Variants in GRTP1 observed in about 807,000 individuals in gnomAD.
The protein encoded by GRTP1 is growth hormone regulated TBC protein 1.
Under a neutral mutation model 38.1 loss-of-function variants are expected in GRTP1, and 56 were observed. That is an observed-to-expected ratio of 1.47 (90% CI 1.19 to 1.84). GRTP1 has a LOEUF of 1.84. Among genes scored for constraint, GRTP1 ranks in the 40% most tolerant of loss-of-function variants. The pLI is 0.00. For synonymous variants in GRTP1, 217 were observed against 189.5 expected (o/e 1.14, Z -1.19); for missense variants, 506 against 453.9 (o/e 1.11, Z -1.04).
intron 5 of GRTP1, among the ~76,000 whole-genome samples, chr13:113,330,590 A>G (rs76293469): frequency 1.2e-4 from 10 of 83,412 alleles, no homozygotes; most frequent in East Asian, 4.0e-4. Context: ...GTGCATGGAA[A>G]CCCAGGTGTG....
intron 4 of GRTP1, among the ~76,000 whole-genome samples, chr13:113,347,208 G>A (rs369183838): frequency 1.1e-5 from 1 of 90,372 alleles, no homozygotes; most frequent in South Asian, 3.4e-4. Context: ...GTGGCCGAGA[G>A]CAGACCCAGG....
Position 113,349,101 on chromosome 13 carries a change from G to T in GRTP1, c.465+1748C>A, listed in dbSNP as rs768969463. On this transcript the variant is annotated intron_variant, in intron 4 of 7. Coordinates refer to ENST00000375431, the MANE Select transcript of GRTP1 (RefSeq NM_024719.4). This position sits in a 1 kb window ranked among gnomAD's most constrained non-coding sequence, Gnocchi z 5.0. ...TGCCCAGGCTGGTCTTGAACTCTTG[G>T]CCTCAAGCAAACAATCCTCCTGCCT... Among the ~76,000 whole-genome samples the T allele has an allele frequency of 7.3e-5, 11 of 149,848 alleles. No homozygotes were observed. Among genetic ancestry groups the T allele is most frequent in the Non-Finnish European group, 1.2e-4 (8 of 67,450 alleles).
intron 3 of GRTP1, among the ~76,000 whole-genome samples, chr13:113,352,347 A>ATATT (rs2043297557): frequency 8.8e-6 from 1 of 114,114 alleles, no homozygotes; most frequent in South Asian, 2.5e-4. Flanking sequence ...TTATATATAT[A>ATATT]TTTATATATA....
chr13:113,344,004 C>T lies in GRTP1; in HGVS notation c.562+859G>A, dbSNP rs77397582. On this transcript the variant is annotated intron_variant, in intron 5 of 7. Coordinates refer to ENST00000375431, the MANE Select transcript of GRTP1 (RefSeq NM_024719.4). ...TGGATAACTTATCCACTAATAAATA[C>T]ACTTTAATTATTAAATAATTAAACA... is the stretch of plus-strand genomic sequence containing the variant. Among the ~76,000 whole-genome samples, 12 of 152,278 alleles carry T rather than the reference C, an allele frequency of 7.9e-5. No homozygotes were observed. In the East Asian group the frequency reaches 2.3e-3, roughly 29 times the overall value.
chr13:113,332,282 GCA>G (rs1322882133), intron 5 of GRTP1, among the ~76,000 whole-genome samples: 17 of 142,462 alleles, frequency 1.2e-4, no homozygotes, highest in African/African-American at 4.0e-4. Context: ...GTACACACGT[GCA>G]CACACACACC....
At position 113,328,955 on chromosome 13, in the gene GRTP1, C is replaced by CT. The variant is rs541140726; in HGVS notation, c.563-2865dup. Among the ~76,000 whole-genome samples the CT allele has an allele frequency of 7.3e-4, 109 of 149,764 alleles. 1 individual carries two copies. The highest frequency in any genetic ancestry group is 2.5e-3 in the African/African-American group (98 of 39,160). On this transcript the variant is annotated intron_variant, in intron 5 of 7. Coordinates refer to ENST00000375431, the MANE Select transcript of GRTP1 (RefSeq NM_024719.4). The stretch of plus-strand genomic sequence containing the variant: ...TGCATCTCAAACCTTACAAAGCAGC[C>CT]TGTGGACTAAATTCTCCTGGTTCCC...
intron 5 of GRTP1, among the ~76,000 whole-genome samples, chr13:113,344,569 C>T (rs375154737): frequency 4.7e-4 from 72 of 152,002 alleles, no homozygotes; most frequent in Middle Eastern, 3.4e-3. Context: ...CAAAATTAGC[C>T]GGGTGTGGTG....
intron 5 of GRTP1, among the ~76,000 whole-genome samples, chr13:113,336,552 G>A (rs1206383649): frequency 2.0e-5 from 3 of 152,168 alleles, no homozygotes; most frequent in East Asian, 1.9e-4. Context: ...CCGTGGTTGG[G>A]GGCGAGGTGA....
intron 5 of GRTP1, among the ~76,000 whole-genome samples, chr13:113,327,795 C>T (rs550014154): frequency 1.5e-3 from 236 of 152,348 alleles, no homozygotes; most frequent in African/African-American, 5.4e-3. Flanking sequence ...TCAGTGCCCA[C>T]CCTGGTTCTG....
At chr13:113,326,212 G>A (rs1003148509) in intron 5 of GRTP1, 121 bp from the exon 6 acceptor site, 25 of 1,217,738 alleles carry the variant, frequency 2.1e-5, no homozygotes, top group African/African-American at 3.0e-5. Flanking sequence ...CAAGAGGGAG[G>A]GACAAAGTTG....
chr13:113,333,042 C>T (rs1009202618), intron 5 of GRTP1, among the ~76,000 whole-genome samples: 54 of 152,202 alleles, frequency 3.5e-4, no homozygotes, highest in African/African-American at 1.2e-3. Context: ...CAGCATTTAT[C>T]CCGCCTCTTC....
chr13:113,362,953 G>T lies in GRTP1; in HGVS notation c.181+809C>A, dbSNP rs551998155. ...CATTCACTGAACACACAGGGAAGTCGCCTGGCACTGCCCCAGGTTCTGAGG... is the reference window on the plus strand; with the variant it reads ...CATTCACTGAACACACAGGGAAGTCTCCTGGCACTGCCCCAGGTTCTGAGG... On this transcript the variant is annotated intron_variant, in intron 2 of 7. Coordinates refer to ENST00000375431, the MANE Select transcript of GRTP1 (RefSeq NM_024719.4). 5.9e-5 allele frequency among the ~76,000 whole-genome samples: 9 copies of T among 152,302 alleles called. No individual in the cohort carries two copies. The South Asian group carries it at 6.2e-4, about 11-fold the overall frequency.
intron 7 of GRTP1, chr13:113,325,413 G>A: frequency 1.4e-6 from 2 of 1,441,236 alleles, no homozygotes; most frequent in Non-Finnish European, 1.8e-6. Context: ...CAGCAGATGA[G>A]TACAGCCATT....
At chr13:113,339,205 C>T (rs1037598099) in intron 5 of GRTP1, among the ~76,000 whole-genome samples, 1 of 152,174 alleles carries the variant, frequency 6.6e-6, no homozygotes, top group African/African-American at 2.4e-5. Flanking sequence ...TGAGCCACCA[C>T]ACCCTGGCTT....
At chr13:113,345,128 A>C in intron 4 of GRTP1, 169 bp from the exon 5 acceptor site, 1 of 266,974 alleles carries the variant, frequency 3.7e-6, no homozygotes, top group Non-Finnish European at 5.8e-6. Context: ...CTAAATACCT[A>C]CCGTCTAGTA....
chr13:113,324,640 A>G, intron 7 of GRTP1, 63 bp from the exon 8 acceptor site: 1 of 1,536,254 alleles, frequency 6.5e-7, no homozygotes, highest in Non-Finnish European at 8.8e-7. Context: ...TAGCTCTCCC[A>G]GACTGGCAGG....
intron 5 of GRTP1, among the ~76,000 whole-genome samples, chr13:113,332,927 C>A (rs1034652019): frequency 2.0e-5 from 3 of 152,252 alleles, no homozygotes; most frequent in African/African-American, 4.8e-5. Context: ...GTGTGTGCAG[C>A]CCAGGAGTCC....
intron 2 of GRTP1, among the ~76,000 whole-genome samples, chr13:113,358,043 G>A (rs914068973): frequency 2.0e-5 from 3 of 152,098 alleles, no homozygotes; most frequent in South Asian, 2.1e-4. Flanking sequence ...TTAGCCGGGC[G>A]TGGTGGCAGG....
chr13:113,354,904 T>C (rs766324874), intron 3 of GRTP1, among the ~76,000 whole-genome samples: 1 of 152,044 alleles, frequency 6.6e-6, no homozygotes, highest in Non-Finnish European at 1.5e-5. Context: ...CTGAGAAAAA[T>C]CAGAGGAGAA....
Sources: gnomAD v4.1 joint callset for allele counts (sites outside exome capture counted in the v4.1 genomes callset) on GRCh38, gnomAD v4.1.1 for gene constraint, Gnocchi (gnomAD v3.1) non-coding constraint, MANE v1.5 for transcripts, NCBI Gene and HGNC (gene_info 2026-07-23, HGNC 2026-07-21) for gene names.